CGNL1: variants seen among roughly 807,000 people sequenced by gnomAD.
CGNL1 encodes the protein cingulin-like protein 1.
A neutral mutation model predicts 141.2 loss-of-function variants in CGNL1; 132 were observed. That is an observed-to-expected ratio of 0.93 (90% CI 0.81 to 1.08). The LOEUF is 1.08. Among genes scored for constraint, CGNL1 ranks in the 50% least tolerant of loss-of-function variants. CGNL1 has a pLI of 0.00. For missense variants in CGNL1, 1,870 were observed against 1,588.6 expected, an observed-to-expected ratio of 1.18 and a Z score of -3.01; for synonymous variants, 690 against 622.1, an observed-to-expected ratio of 1.11 and a Z score of -1.63.
At chr15:57,506,841 C>A (rs1304335288) in intron 8 of CGNL1, among the ~76,000 whole-genome samples, 4 of 152,190 alleles carry the variant, frequency 2.6e-5, no homozygotes, top group Admixed American at 2.0e-4. Flanking sequence ...AATGAGAAAA[C>A]TGAAGTTTCG....
intron 1 of CGNL1, among the ~76,000 whole-genome samples, chr15:57,391,259 C>G (rs1277158722): frequency 3.9e-5 from 6 of 152,192 alleles, no homozygotes; most frequent in African/African-American, 1.4e-4. Context: ...ACAGAGTCTG[C>G]TTTGGAAGAA....
At chr15:57,377,428 A>G (rs75683540) in intron 1 of CGNL1, among the ~76,000 whole-genome samples, 5,031 of 152,198 alleles carry the variant, frequency 0.033, 124 homozygotes, top group Non-Finnish European at 0.052. Flanking sequence ...AGCCTGGACA[A>G]TGGAATTTTT....
At chr15:57,393,370 T>C (rs1388532727) in intron 1 of CGNL1, among the ~76,000 whole-genome samples, 1 of 152,108 alleles carries the variant, frequency 6.6e-6, no homozygotes. Flanking sequence ...TGGAGGAAAA[T>C]GTAAAAGCTT....
At chr15:57,452,976 A>G (rs1003129539) in intron 6 of CGNL1, among the ~76,000 whole-genome samples, 2 of 152,226 alleles carry the variant, frequency 1.3e-5, no homozygotes, top group Admixed American at 1.3e-4. Context: ...TGCGTTTAAA[A>G]CAATCATAGA....
intron 1 of CGNL1, chr15:57,401,922 G>T (rs1178949868): frequency 6.6e-6 from 1 of 152,182 alleles, no homozygotes; most frequent in Non-Finnish European, 1.5e-5. Flanking sequence ...TTGTGGAAAG[G>T]TTCTAGGGAC....
chr15:57,550,416 C>T lies in CGNL1; in HGVS notation c.*2926C>T, dbSNP rs779629136. The T allele has an allele frequency of 8.5e-5, 13 of 152,508 alleles. 1 individual carries two copies. The highest frequency in any genetic ancestry group is 1.3e-4 in the Admixed American group (2 of 15,264). 9.4% of individuals were successfully genotyped at this position (152,508 alleles called of 1,614,324 possible). A position where few individuals can be genotyped will look rare whatever the true frequency, so the allele number is the denominator to read the frequency against. On this transcript the variant is annotated 3_prime_UTR_variant, in exon 19 of 19. Transcript: ENST00000281282. ...TGTTTTTTGCTTTAAGAACTAACCC[C>T]GATCAAGAGTATTTTCTTTAGCTAG...
In CGNL1 at chr15:57,453,665, G is replaced by A. The variant is rs763052570; in HGVS notation, c.2055-18G>A. On this transcript the variant is annotated intron_variant, in intron 6 of 18. Coordinates refer to ENST00000281282, the MANE Select transcript of CGNL1 (RefSeq NM_032866.5). The stretch of plus-strand genomic sequence containing the variant: ...AGAGCCCAGAAGAGCCTGTCTAATG[G>A]GCTTCCTTCCCTGCCAGGCTATTCC... 6.2e-7 allele frequency: 1 copy of A among 1,613,134 alleles called. No homozygotes were observed. Among genetic ancestry groups the A allele is most frequent in the East Asian group, 2.2e-5 (1 of 44,834 alleles).
At chr15:57,542,154 G>A (rs1461537814) in intron 14 of CGNL1, among the ~76,000 whole-genome samples, 1 of 152,216 alleles carries the variant, frequency 6.6e-6, no homozygotes, top group Non-Finnish European at 1.5e-5. Flanking sequence ...GGGGGACAGT[G>A]AGGAAGGGGT....
intron 14 of CGNL1, among the ~76,000 whole-genome samples, chr15:57,534,959 A>G (rs778661521): frequency 2.6e-5 from 4 of 152,160 alleles, no homozygotes; most frequent in Non-Finnish European, 4.4e-5. Flanking sequence ...AACATCTCCC[A>G]CTAGTCTTAG....
chr15:57,427,961 G>A (rs886973185), intron 1 of CGNL1, among the ~76,000 whole-genome samples: 1 of 147,004 alleles, frequency 6.8e-6, no homozygotes, highest in South Asian at 2.1e-4. Context: ...ATTTGTTATG[G>A]AAAACCTTGA....
At chr15:57,399,842 C>A (rs1421997397) in intron 1 of CGNL1, among the ~76,000 whole-genome samples, 1 of 152,036 alleles carries the variant, frequency 6.6e-6, no homozygotes, top group African/African-American at 2.4e-5. Flanking sequence ...CATGGTGAGA[C>A]CCCATCTCCA....
At chr15:57,457,836 GA>G (rs2063398180) in intron 7 of CGNL1, among the ~76,000 whole-genome samples, 2 of 152,156 alleles carry the variant, frequency 1.3e-5, no homozygotes, top group African/African-American at 4.8e-5. Flanking sequence ...AATTCAAGAT[GA>G]GATTTGGGTG....
At chr15:57,492,709 A>AC (rs1555444338) in intron 8 of CGNL1, among the ~76,000 whole-genome samples, 3 of 150,958 alleles carry the variant, frequency 2.0e-5, no homozygotes, top group Non-Finnish European at 3.0e-5. Context: ...GAAAAAAAAA[A>AC]CCCAAAACAT....
At chr15:57,472,353 T>C (rs1433477695) in intron 8 of CGNL1, among the ~76,000 whole-genome samples, 2 of 151,810 alleles carry the variant, frequency 1.3e-5, no homozygotes, top group Non-Finnish European at 2.9e-5. Flanking sequence ...TGAGAGGAAG[T>C]AGAAGCAGAT....
At chr15:57,401,103 T>A (rs1325862169) in intron 1 of CGNL1, among the ~76,000 whole-genome samples, 4 of 152,130 alleles carry the variant, frequency 2.6e-5, no homozygotes, top group African/African-American at 7.2e-5. Flanking sequence ...TTTGTATTTT[T>A]AAAAATATAT....
intron 9 of CGNL1, among the ~76,000 whole-genome samples, chr15:57,517,995 T>C (rs1214930773): frequency 5.5e-5 from 1 of 18,024 alleles, no homozygotes; most frequent in African/African-American, 1.1e-4. Flanking sequence ...GATATTTCTA[T>C]TAAAAAAAAA....
chr15:57,455,902 TCG>T (rs2063373859), intron 7 of CGNL1, among the ~76,000 whole-genome samples: 1 of 152,168 alleles, frequency 6.6e-6, no homozygotes, highest in African/African-American at 2.4e-5. Flanking sequence ...TTAAACCTGT[TCG>T]TGATGTTGCT....
chr15:57,429,469 T>C (rs1436101772), intron 1 of CGNL1, among the ~76,000 whole-genome samples: 2 of 152,238 alleles, frequency 1.3e-5, no homozygotes, highest in Non-Finnish European at 2.9e-5. Flanking sequence ...TTTATTGATA[T>C]AATTTGGACT....
chr15:57,419,777 G>T (rs953204651), intron 1 of CGNL1, among the ~76,000 whole-genome samples: 5 of 152,196 alleles, frequency 3.3e-5, no homozygotes, highest in African/African-American at 1.2e-4. Context: ...TCTCCACTGT[G>T]AAGTTATTCT....
Sources: allele counts gnomAD v4.1 joint callset (sites outside exome capture counted in the v4.1 genomes callset), GRCh38; gene constraint gnomAD v4.1.1; transcripts MANE v1.5; gene names NCBI Gene and HGNC (gene_info 2026-07-23, HGNC 2026-07-21).